Variants in NR1I2 observed in about 807,000 individuals in gnomAD.
The protein encoded by NR1I2 is orphan nuclear receptor PAR1.
In NR1I2, 42 loss-of-function variants were observed where a neutral mutation model predicts 43.3. That is an observed-to-expected ratio of 0.97 (90% confidence interval 0.76 to 1.26). The LOEUF (loss-of-function observed/expected upper bound fraction) is 1.26. Among genes scored for constraint, NR1I2 ranks in the 50% most tolerant of loss-of-function variants. The pLI, the probability that NR1I2 is intolerant of heterozygous loss-of-function variation, is 0.00. For missense variants in NR1I2, 559 were observed against 566.7 expected (o/e 0.99, Z 0.14); for synonymous variants, 229 against 215.0 (o/e 1.06, Z -0.57).
At chr3:119,809,439 T>C (rs1466715593) in intron 2 of NR1I2, among the ~76,000 whole-genome samples, 1 of 151,910 alleles carries the variant, frequency 6.6e-6, no homozygotes, top group African/African-American at 2.4e-5. Flanking sequence ...GAATCCACTC[T>C]GCCATGGGGA....
intron 1 of NR1I2, chr3:119,792,599 C>G: frequency 1.5e-6 from 1 of 659,022 alleles, no homozygotes; most frequent in Non-Finnish European, 2.7e-6. Flanking sequence ...GGCCACAGCC[C>G]CAGTGATTCT....
intron 1 of NR1I2, among the ~76,000 whole-genome samples, chr3:119,795,117 G>C (rs2054979372): frequency 6.6e-6 from 1 of 152,178 alleles, no homozygotes; most frequent in African/African-American, 2.4e-5. Flanking sequence ...TTGGCTCTTG[G>C]CTGGGGTTGG....
At chr3:119,796,766 C>T (rs1229769930) in intron 1 of NR1I2, among the ~76,000 whole-genome samples, 1 of 152,264 alleles carries the variant, frequency 6.6e-6, no homozygotes, top group African/African-American at 2.4e-5. Flanking sequence ...TTCCCACCTT[C>T]TCTCTCCTCA....
At chr3:119,805,368 T>C (rs1034878117) in intron 1 of NR1I2, among the ~76,000 whole-genome samples, 4 of 152,100 alleles carry the variant, frequency 2.6e-5, no homozygotes, top group African/African-American at 9.7e-5. Context: ...TGTGCCTAGG[T>C]ATAAAGTGGA....
intron 5 of NR1I2, among the ~76,000 whole-genome samples, chr3:119,813,261 GCA>G (rs1162300237): frequency 6.6e-6 from 1 of 152,220 alleles, no homozygotes; most frequent in African/African-American, 2.4e-5. Context: ...AGAACACCCA[GCA>G]CAGAGTGGGC....
intron 1 of NR1I2, chr3:119,802,889 T>C: frequency 2.2e-6 from 1 of 456,714 alleles, no homozygotes; most frequent in South Asian, 1.5e-5. Context: ...GAGGAATAAA[T>C]GAGTGCCATG....
At chr3:119,816,018 C>T (rs146919799) in intron 8 of NR1I2, among the ~76,000 whole-genome samples, 187 bp downstream of exon 8, 254 of 152,302 alleles carry the variant, frequency 1.7e-3, no homozygotes, top group African/African-American at 5.9e-3. Flanking sequence ...AACAGGGGGA[C>T]GTGGCCCAGA....
intron 1 of NR1I2, among the ~76,000 whole-genome samples, chr3:119,786,456 A>G (rs2054843843): frequency 6.6e-6 from 1 of 152,224 alleles, no homozygotes; most frequent in Non-Finnish European, 1.5e-5. Context: ...ACATAAAGAG[A>G]CATATCCAAA....
At chr3:119,816,410 C>A (rs1362524470) in intron 8 of NR1I2, among the ~76,000 whole-genome samples, 1 of 152,178 alleles carries the variant, frequency 6.6e-6, no homozygotes, top group African/African-American at 2.4e-5. Context: ...CTAACCTCCA[C>A]AACGACTCTG....
chr3:119,815,442 G>C lies in NR1I2; in HGVS notation c.1054+3G>C. On this transcript the variant is annotated splice_donor_region_variant and intron_variant, in intron 7 of 8. Coordinates refer to ENST00000393716, the MANE Select transcript of NR1I2 (RefSeq NM_003889.4). ...GGCCATCTCCCTCTTCTCCCCAGGT[G>C]AGGATCTCCCCTAGGCTGCCTGACA... 1 of 1,609,302 alleles carries C rather than the reference G, an allele frequency of 6.2e-7. No individual in the cohort carries two copies. The highest frequency in any genetic ancestry group is 1.1e-5 in the South Asian group (1 of 90,936).
intron 1 of NR1I2, among the ~76,000 whole-genome samples, chr3:119,789,940 G>A (rs980850036): frequency 2.0e-5 from 3 of 151,736 alleles, no homozygotes; most frequent in African/African-American, 7.3e-5. Context: ...ATTAGTTCTG[G>A]TAAAATTCAA....
Position 119,782,125 on chromosome 3 carries a change from C to T in NR1I2, c.-198C>T, listed in dbSNP as rs2054780568. The stretch of plus-strand genomic sequence containing the variant: ...CCTTTACTTCAGTGGGAATCTCGGC[C>T]TCAGCCTGCAAGCCAAGTGTTCACA... On this transcript the variant is annotated 5_prime_UTR_variant, in exon 1 of 9. Coordinates refer to ENST00000393716, the MANE Select transcript of NR1I2 (RefSeq NM_003889.4). 1 of 152,416 alleles carries T rather than the reference C, an allele frequency of 6.6e-6. No homozygotes were observed. The highest frequency in any genetic ancestry group is 1.5e-5 in the Non-Finnish European group (1 of 68,228). 9.4% of individuals were successfully genotyped at this position (152,416 alleles called of 1,614,324 possible). A position where few individuals can be genotyped will look rare whatever the true frequency, so the allele number is the denominator to read the frequency against.
intron 1 of NR1I2, among the ~76,000 whole-genome samples, chr3:119,794,388 C>T (rs1372148323): frequency 6.6e-6 from 1 of 151,660 alleles, no homozygotes; most frequent in Non-Finnish European, 1.5e-5. Flanking sequence ...GAGACAGGAT[C>T]TCACCATGTC....
chr3:119,811,440 C>G, intron 3 of NR1I2, 99 bp from the exon 4 acceptor site: 1 of 1,195,868 alleles, frequency 8.4e-7, no homozygotes, highest in East Asian at 2.6e-5. Context: ...TTTTGCCTAA[C>G]GGCTTCTGCT....
chr3:119,803,874 C>T (rs1357637718), intron 1 of NR1I2, among the ~76,000 whole-genome samples: 1 of 152,010 alleles, frequency 6.6e-6, no homozygotes, highest in Non-Finnish European at 1.5e-5. Flanking sequence ...TCTCATGCCT[C>T]AGCCTCCCAA....
intron 1 of NR1I2, among the ~76,000 whole-genome samples, chr3:119,801,790 T>TG (rs1286759623): frequency 6.6e-6 from 1 of 152,196 alleles, no homozygotes; most frequent in East Asian, 1.9e-4. Context: ...ATAATTGGGC[T>TG]GGGGAGTCCA....
At chr3:119,803,703 A>G (rs915237196) in intron 1 of NR1I2, among the ~76,000 whole-genome samples, 1 of 151,808 alleles carries the variant, frequency 6.6e-6, no homozygotes, top group Non-Finnish European at 1.5e-5. Flanking sequence ...GTCCCAAAAC[A>G]CTAATCCTGA....
intron 5 of NR1I2, among the ~76,000 whole-genome samples, chr3:119,814,230 T>C (rs935443170): frequency 6.6e-6 from 1 of 152,156 alleles, no homozygotes; most frequent in Non-Finnish European, 1.5e-5. Flanking sequence ...AGCTTCCTCC[T>C]TGTAAGGAAT....
chr3:119,815,468 TC>T (rs769561149), intron 7 of NR1I2, 29 bp downstream of exon 7: 103 of 1,561,438 alleles, frequency 6.6e-5, no homozygotes, highest in Non-Finnish European at 8.2e-5. Context: ...CTGCCTGACA[TC>T]CCCCCCAGCC....
Sources: allele counts gnomAD v4.1 joint callset (sites outside exome capture counted in the v4.1 genomes callset), GRCh38; gene constraint gnomAD v4.1.1; transcripts MANE v1.5; gene names NCBI Gene and HGNC (gene_info 2026-07-23, HGNC 2026-07-21).